ROR1: variants seen among roughly 807,000 people sequenced by gnomAD.
The protein encoded by ROR1 is inactive tyrosine-protein kinase transmembrane receptor ROR1.
In ROR1, 19 loss-of-function variants were observed where a neutral mutation model predicts 78.8. That is an observed-to-expected ratio of 0.24 (90% CI 0.17 to 0.35). ROR1 has a LOEUF of 0.35. Ranked by LOEUF, ROR1 falls within the 10% of genes least tolerant of loss-of-function variation. The probability of loss-of-function intolerance (pLI) is 1.00; values close to 1 mark genes in which losing one functional copy is unlikely to be tolerated. For synonymous variants in ROR1, 386 were observed against 433.6 expected, an observed-to-expected ratio of 0.89 and a Z score of 1.36; for missense variants, 917 against 1,177.8, an observed-to-expected ratio of 0.78 and a Z score of 3.24.
At chr1:64,054,024 G>T (rs1203778360) in intron 4 of ROR1, among the ~76,000 whole-genome samples, 4 of 151,666 alleles carry the variant, frequency 2.6e-5, no homozygotes, top group African/African-American at 9.7e-5. Context: ...TATGATCTTG[G>T]GTCACTGCAA....
At chr1:63,878,226 A>G (rs904492614) in intron 1 of ROR1, among the ~76,000 whole-genome samples, 5 of 152,168 alleles carry the variant, frequency 3.3e-5, no homozygotes, top group African/African-American at 4.8e-5. Context: ...AGGGAGGTGA[A>G]GGGCCTTACA....
intron 1 of ROR1, among the ~76,000 whole-genome samples, chr1:63,872,158 C>T (rs1277425298): frequency 6.6e-6 from 1 of 152,136 alleles, no homozygotes; most frequent in African/African-American, 2.4e-5. Flanking sequence ...TATTTTATGC[C>T]AGGGTGGTCT....
intron 4 of ROR1, among the ~76,000 whole-genome samples, chr1:64,112,368 A>AC (rs1648135744): frequency 6.6e-6 from 1 of 152,038 alleles, no homozygotes; most frequent in Non-Finnish European, 1.5e-5. Context: ...GGGGCACAGA[A>AC]AAAAAAAGTT....
At chr1:64,085,007 A>G (rs1023072650) in intron 4 of ROR1, among the ~76,000 whole-genome samples, 3 of 152,178 alleles carry the variant, frequency 2.0e-5, no homozygotes, top group Admixed American at 1.3e-4. Flanking sequence ...CATACTAGTA[A>G]TTCTACAAGC....
At chr1:63,918,884 G>A (rs530993924) in intron 1 of ROR1, among the ~76,000 whole-genome samples, 21 of 152,212 alleles carry the variant, frequency 1.4e-4, no homozygotes, top group African/African-American at 4.3e-4. Flanking sequence ...TGCTGTCTCC[G>A]CGAGACAATG....
intron 1 of ROR1, among the ~76,000 whole-genome samples, chr1:63,803,104 A>T (rs1050540417): frequency 2.6e-5 from 4 of 152,200 alleles, no homozygotes; most frequent in African/African-American, 9.7e-5. Flanking sequence ...CTTGCCACAT[A>T]TGTTGAACAA....
At chr1:63,910,370 T>A (rs1645561321) in intron 1 of ROR1, among the ~76,000 whole-genome samples, 1 of 152,146 alleles carries the variant, frequency 6.6e-6, no homozygotes, top group South Asian at 2.1e-4. Context: ...ATGGGTTGCA[T>A]TCACAGAAAG....
intron 1 of ROR1, among the ~76,000 whole-genome samples, chr1:63,926,357 C>G (rs1337409341): frequency 6.6e-6 from 1 of 152,010 alleles, no homozygotes; most frequent in African/African-American, 2.4e-5. Context: ...GGGCTCTGTT[C>G]TGTTCCATTG....
chr1:64,050,562 C>T lies in ROR1; in HGVS notation c.452-124C>T, dbSNP rs1440026204. On this transcript the variant is annotated intron_variant, in intron 3 of 8. Coordinates refer to ENST00000371079, the MANE Select transcript of ROR1 (RefSeq NM_005012.4). ...GGGAATAGAGCAAAACAATAAATTC[C>T]AGAAAAATAAATACTACCTCTGGGT... 1.3e-5 allele frequency: 12 copies of T among 939,830 alleles called. No individual in the cohort carries two copies. In the Admixed American group the frequency reaches 2.3e-4, roughly 18 times the overall value. 58.2% of individuals were successfully genotyped at this position (939,830 alleles called of 1,614,324 possible).
In ROR1 at chr1:64,008,224, T is replaced by A. The variant is rs147901917; in HGVS notation, c.92-1081T>A. Among the ~76,000 whole-genome samples, 441 of 152,328 alleles carry A rather than the reference T, an allele frequency of 2.9e-3. 8 individuals are homozygous for A. Among genetic ancestry groups the A allele is most frequent in the Admixed American group, 0.026 (402 of 15,292 alleles). ...AGTGAGAACACATGATATTTGGTTT[T>A]CTGCTTCTCTGTTAATTCACTTAGG... On this transcript the variant is annotated intron_variant, in intron 1 of 8. Coordinates refer to ENST00000371079, the MANE Select transcript of ROR1 (RefSeq NM_005012.4).
At chr1:64,143,106 G>C (rs1279922726) in intron 7 of ROR1, 15 of 1,009,168 alleles carry the variant, frequency 1.5e-5, no homozygotes, top group Non-Finnish European at 1.2e-6. Context: ...CAATCTGTGG[G>C]TAAACTGTGT....
intron 1 of ROR1, among the ~76,000 whole-genome samples, chr1:63,788,092 G>A (rs1414632540): frequency 6.6e-6 from 1 of 152,092 alleles, no homozygotes; most frequent in Non-Finnish European, 1.5e-5. Context: ...ACCTCCCTGG[G>A]GTTTCCTTAT....
In ROR1 at chr1:64,178,624, G is replaced by A; in HGVS notation, c.2583G>A (p.Gly861=). ...GTCGGTCCCCAAGCAGTGCCAGTGG[G>A]TCGACTAGCACTGGCCATGTGACTA... ...PKSRSPSSAS[G]STSTGHVTSL... The change falls in exon 9 of 9, where the codon GGG becomes GGA. Residue 861 remains glycine (G), a synonymous_variant. Transcript: ENST00000371079. The surrounding 1 kb of genome is among the most constrained non-coding windows in gnomAD (Gnocchi z 4.3). 2 of 1,614,156 alleles carry A rather than the reference G, an allele frequency of 1.2e-6. No homozygotes were observed. Among genetic ancestry groups the A allele is most frequent in the Non-Finnish European group, 1.7e-6 (2 of 1,180,014 alleles).
intron 4 of ROR1, chr1:64,106,709 A>G (rs972217336): frequency 3.9e-5 from 6 of 152,166 alleles, no homozygotes; most frequent in Admixed American, 1.3e-4. Context: ...ATCTACTGAG[A>G]TAACCATGTG....
chr1:63,802,925 T>A (rs958143837), intron 1 of ROR1, among the ~76,000 whole-genome samples: 3 of 152,242 alleles, frequency 2.0e-5, no homozygotes, highest in African/African-American at 7.2e-5. Context: ...AATTGTATAT[T>A]TTCTTTAACC....
chr1:63,958,078 AC>A (rs1474282674), intron 1 of ROR1, among the ~76,000 whole-genome samples: 5 of 152,162 alleles, frequency 3.3e-5, no homozygotes, highest in African/African-American at 9.7e-5. Context: ...TGCAGCACTT[AC>A]CACAATTCCT....
chr1:63,791,627 G>T (rs1037129653), intron 1 of ROR1, among the ~76,000 whole-genome samples: 1 of 152,036 alleles, frequency 6.6e-6, no homozygotes, highest in African/African-American at 2.4e-5. Flanking sequence ...ATTGCTAATC[G>T]ATGGGCATGG....
At chr1:64,151,740 C>T (rs921426266) in intron 7 of ROR1, among the ~76,000 whole-genome samples, 5 of 149,366 alleles carry the variant, frequency 3.3e-5, no homozygotes, top group African/African-American at 9.8e-5. Context: ...AAAAATTAGC[C>T]GGGTGTGGTG....
chr1:64,074,149 G>T (rs1292586841), intron 4 of ROR1, among the ~76,000 whole-genome samples: 1 of 152,114 alleles, frequency 6.6e-6, no homozygotes, highest in Non-Finnish European at 1.5e-5. Flanking sequence ...TGCCCATTCT[G>T]TCTAGGTGGA....
Sources: allele counts gnomAD v4.1 joint callset (sites outside exome capture counted in the v4.1 genomes callset), GRCh38; gene constraint gnomAD v4.1.1; non-coding constraint Gnocchi (gnomAD v3.1); transcripts MANE v1.5; gene names NCBI Gene and HGNC (gene_info 2026-07-23, HGNC 2026-07-21).